Variants in CD6 observed in about 807,000 individuals in gnomAD.
CD6 encodes CD6 molecule, also known as T-cell differentiation antigen CD6.
A neutral mutation model predicts 75.3 loss-of-function variants in CD6; 53 were observed. That is an observed-to-expected ratio of 0.70 (90% CI 0.56 to 0.88). The LOEUF is 0.88. CD6 is among the 40% of genes least tolerant of loss of function. The pLI, the probability that CD6 is intolerant of heterozygous loss-of-function variation, is 0.00. For synonymous variants in CD6, 359 were observed against 381.5 expected, an observed-to-expected ratio of 0.94 and a Z score of 0.69; for missense variants, 770 against 897.1, an observed-to-expected ratio of 0.86 and a Z score of 1.81.
chr11:61,016,139 G>A (rs1859394709), intron 9 of CD6, among the ~76,000 whole-genome samples: 1 of 152,202 alleles, frequency 6.6e-6, no homozygotes, highest in Non-Finnish European at 1.5e-5. Flanking sequence ...ATGGCTCTCT[G>A]TGTGAGAGCG....
chr11:61,004,111 G>A (rs1366124920), intron 1 of CD6, among the ~76,000 whole-genome samples: 1 of 152,170 alleles, frequency 6.6e-6, no homozygotes, highest in East Asian at 1.9e-4. Context: ...GCATGAGAAA[G>A]TGGTTTTCCA....
At chr11:61,005,152 A>G (rs566967552) in intron 1 of CD6, among the ~76,000 whole-genome samples, 27 of 152,330 alleles carry the variant, frequency 1.8e-4, no homozygotes, top group Non-Finnish European at 2.8e-4. Context: ...CCACCAGGAA[A>G]CCTAGAATAG....
chr11:61,018,017 A>G lies in CD6; in HGVS notation c.1837+4A>G. On this transcript the variant is annotated splice_donor_region_variant and intron_variant, in intron 11 of 12. Coordinates refer to ENST00000313421, the MANE Select transcript of CD6 (RefSeq NM_006725.5). ...GGCACCCAGCCAGCCTTTTCAGGTA[A>G]GCTGTGCCTCCCCCAAACCCCCATC... 2 of 1,610,024 alleles carry G rather than the reference A, an allele frequency of 1.2e-6. No homozygotes were observed. The highest frequency in any genetic ancestry group is 1.1e-5 in the South Asian group (1 of 90,962).
At chr11:61,016,395 T>C (rs1256165219) in intron 9 of CD6, among the ~76,000 whole-genome samples, 1 of 152,212 alleles carries the variant, frequency 6.6e-6, no homozygotes, top group African/African-American at 2.4e-5. Flanking sequence ...CCACACCTTA[T>C]TGTGGAATCA....
intron 6 of CD6, among the ~76,000 whole-genome samples, chr11:61,012,534 G>A (rs1286427469): frequency 6.6e-6 from 1 of 152,184 alleles, no homozygotes. Flanking sequence ...GACAGGGAGA[G>A]GGTTCTCTCC....
At chr11:60,978,376 C>T (rs1487580521) in intron 1 of CD6, among the ~76,000 whole-genome samples, 1 of 152,094 alleles carries the variant, frequency 6.6e-6, no homozygotes, top group East Asian at 1.9e-4. Context: ...GGTTGGGGGG[C>T]ACCCGAGTTC....
rs1192943404 is a variant in CD6, at chr11:60,982,110, C to G, written c.49+10196C>G. Among the ~76,000 whole-genome samples, 12 of 27,662 alleles carry G rather than the reference C, an allele frequency of 4.3e-4. No homozygotes were observed. In the South Asian group the frequency reaches 8.9e-3, roughly 21 times the overall value. The allele number at this position is 27,662 out of a possible 152,430, so 18.1% of individuals were successfully genotyped here. A position where few individuals can be genotyped will look rare whatever the true frequency, so the allele number is the denominator to read the frequency against. ...TGCATGGGGCTGGGGACAGCAGATG[C>G]CCGGGTGGGGGGCGGTCTGTGCATG... On this transcript the variant is annotated intron_variant, in intron 1 of 12. Transcript: ENST00000313421.
intron 1 of CD6, among the ~76,000 whole-genome samples, chr11:60,991,006 A>G (rs915946557): frequency 6.6e-6 from 1 of 152,006 alleles, no homozygotes; most frequent in African/African-American, 2.4e-5. Flanking sequence ...GTATCCCTGC[A>G]CACATCTGCA....
In CD6 at chr11:60,980,021, A is replaced by G. The variant is rs1857503023; in HGVS notation, c.49+8107A>G. ...GCTGTTCCACCCTGACAACACCAGG[A>G]CAATCACCCCTTTTTTATGGGTGGA... On this transcript the variant is annotated intron_variant, in intron 1 of 12. Coordinates refer to ENST00000313421, the MANE Select transcript of CD6 (RefSeq NM_006725.5). Among the ~76,000 whole-genome samples, 5 of 152,326 alleles carry G rather than the reference A, an allele frequency of 3.3e-5. No homozygotes were observed. The South Asian group carries it at 1.0e-3, about 32-fold the overall frequency.
intron 1 of CD6, among the ~76,000 whole-genome samples, chr11:60,989,614 G>C (rs1160282671): frequency 6.6e-6 from 1 of 152,216 alleles, no homozygotes; most frequent in African/African-American, 2.4e-5. Flanking sequence ...GCGCAGCATG[G>C]CTCAAGAAAT....
intron 1 of CD6, among the ~76,000 whole-genome samples, chr11:60,988,540 G>T (rs1279749495): frequency 6.6e-6 from 1 of 152,228 alleles, no homozygotes; most frequent in Non-Finnish European, 1.5e-5. Flanking sequence ...CACAGGACAT[G>T]TGTCTGGTGA....
intron 1 of CD6, among the ~76,000 whole-genome samples, chr11:60,988,859 GT>G: frequency 6.6e-6 from 1 of 152,342 alleles, no homozygotes; most frequent in East Asian, 1.9e-4. Flanking sequence ...GAGCCAGTGG[GT>G]GGGGGCAGGC....
At chr11:60,994,455 G>A (rs111628573) in intron 1 of CD6, among the ~76,000 whole-genome samples, 9 of 570 alleles carry the variant, frequency 0.016, 1 homozygote, top group African/African-American at 0.057. Flanking sequence ...CAACACCCCC[G>A]CCAAAAAAAA....
At chr11:61,018,572 T>A in intron 12 of CD6, 179 bp downstream of exon 12, 1 of 587,362 alleles carries the variant, frequency 1.7e-6, no homozygotes, top group Non-Finnish European at 3.0e-6. Context: ...CTCAAGCCTG[T>A]AATCCCAGCA....
chr11:61,018,204 C>A, intron 11 of CD6, 85 bp from the exon 12 acceptor site: 1 of 1,326,826 alleles, frequency 7.5e-7, no homozygotes, highest in South Asian at 1.4e-5. Flanking sequence ...ACTTGGCTCT[C>A]GTGAGTCACG....
chr11:61,010,003 CTGTT>C, intron 5 of CD6, 129 bp downstream of exon 5: 3 of 894,092 alleles, frequency 3.4e-6, no homozygotes, highest in Non-Finnish European at 4.9e-6. Flanking sequence ...ATAAGAAGGA[CTGTT>C]GTCCTTACGG....
At position 61,002,920 on chromosome 11, in the gene CD6, G is replaced by A. The variant is rs147173266; in HGVS notation, c.50-3654G>A. Among the ~76,000 whole-genome samples the A allele has an allele frequency of 2.1e-3, 312 of 151,566 alleles. 2 individuals are homozygous for A. Among genetic ancestry groups the A allele is most frequent in the African/African-American group, 7.2e-3 (298 of 41,464 alleles). ...ACCCCTGTGATAACAGCATTAATCC[G>A]TTCATGAAGGCAGACTCCTCATGAC... On this transcript the variant is annotated intron_variant, in intron 1 of 12. Coordinates refer to ENST00000313421, the MANE Select transcript of CD6 (RefSeq NM_006725.5).
rs953377976 is a variant in CD6, at chr11:60,971,706, C to T, written c.-160C>T. On this transcript the variant is annotated 5_prime_UTR_variant, in exon 1 of 13. Coordinates refer to ENST00000313421, the MANE Select transcript of CD6 (RefSeq NM_006725.5). ...CTCACAGGTTGGGTTTGATCGCATG[C>T]GTGTCGGAGAGGAGAGAGCAGAGAG... 2 of 669,474 alleles carry T rather than the reference C, an allele frequency of 3.0e-6. No individual in the cohort carries two copies. Among genetic ancestry groups the T allele is most frequent in the Non-Finnish European group, 2.6e-6 (1 of 384,968 alleles). The allele number at this position is 669,474 out of a possible 1,614,324, so 41.5% of individuals were successfully genotyped here.
Position 61,008,787 on chromosome 11 carries a change from G to T in CD6, c.723G>T (p.Pro241=). Residue 241 remains proline, a synonymous_variant, in exon 4 of 13, where the codon CCG becomes CCT. Coordinates refer to ENST00000313421, the MANE Select transcript of CD6 (RefSeq NM_006725.5). ...CCGAAGCTTACCTGTGGGACTGCCC[G>T]GGGCTGCCAGGACAGCACTACTGCG... The part of the protein sequence containing the change: ...SGAEAYLWDC[P]GLPGQHYCGH... The T allele has an allele frequency of 6.3e-7, 1 of 1,591,942 alleles. No homozygotes were observed. Among genetic ancestry groups the T allele is most frequent in the East Asian group, 2.3e-5 (1 of 44,440 alleles).
Sources: gnomAD v4.1 joint callset for allele counts (sites outside exome capture counted in the v4.1 genomes callset) on GRCh38, gnomAD v4.1.1 for gene constraint, MANE v1.5 for transcripts, NCBI Gene and HGNC (gene_info 2026-07-23, HGNC 2026-07-21) for gene names.